Variants in TM7SF3 observed in about 807,000 individuals in gnomAD.
TM7SF3 encodes seven span transmembrane protein.
A neutral mutation model predicts 65.5 loss-of-function variants in TM7SF3; 60 were observed. The observed-to-expected ratio is 0.92, with a 90% CI of 0.74 to 1.14. TM7SF3 has a LOEUF of 1.14. TM7SF3 is among the 50% of genes most tolerant of loss of function. The pLI, the probability that TM7SF3 is intolerant of heterozygous loss-of-function variation, is 0.00. For missense variants in TM7SF3, 623 were observed against 684.8 expected (o/e 0.91, Z 1.01); for synonymous variants, 264 against 259.6 (o/e 1.02, Z -0.16).
chr12:27,003,492 CCTT>C lies in TM7SF3; in HGVS notation c.92-105_92-103del. The C allele has an allele frequency of 3.5e-6, 4 of 1,135,240 alleles. No individual in the cohort carries two copies. The South Asian group carries it at 6.1e-5, about 17-fold the overall frequency. 70.3% of individuals were successfully genotyped at this position (1,135,240 alleles called of 1,614,324 possible). A position where few individuals can be genotyped will look rare whatever the true frequency, so the allele number is the denominator to read the frequency against. ...GTGGAATTTAATCCTCAGAAAAACTCCTTGAGGTAAATATGGTTATTGCTCCTA... is the reference window on the plus strand; with the variant it reads ...GTGGAATTTAATCCTCAGAAAAACTCGAGGTAAATATGGTTATTGCTCCTA... On this transcript the variant is annotated intron_variant, in intron 1 of 11. Transcript: ENST00000343028.
In TM7SF3 at chr12:26,975,661, G is replaced by A. The variant is rs1565864330; in HGVS notation, c.1288-3C>T. ...ACTCCACAAGTCAGTATGTTCAGCT[G>A]TGGAAGAGTGGAAGAGTTTAGGCAT... On this transcript the variant is annotated splice_polypyrimidine_tract_variant and splice_region_variant and intron_variant, in intron 10 of 11. Coordinates refer to ENST00000343028, the MANE Select transcript of TM7SF3 (RefSeq NM_016551.3). 3.1e-6 allele frequency: 5 copies of A among 1,613,124 alleles called. No individual in the cohort carries two copies. The African/African-American group carries it at 5.3e-5, about 17-fold the overall frequency.
At chr12:26,976,148 A>G in intron 10 of TM7SF3, 112 bp downstream of exon 10, 1 of 777,298 alleles carries the variant, frequency 1.3e-6, no homozygotes, top group Non-Finnish European at 2.2e-6. Flanking sequence ...CATCTGATAC[A>G]GGTAACACAG....
In TM7SF3 at chr12:26,973,798, TC is replaced by T; in HGVS notation, c.*166del. On this transcript the variant is annotated 3_prime_UTR_variant, in exon 12 of 12. Coordinates refer to ENST00000343028, the MANE Select transcript of TM7SF3 (RefSeq NM_016551.3). The stretch of plus-strand genomic sequence containing the variant: ...CATCTTTCTCATTCTCTTACAATCA[TC>T]CTAATCCCCTAGTACACCCTTACCA... The T allele has an allele frequency of 1.2e-6, 1 of 840,906 alleles. No homozygotes were observed. Among genetic ancestry groups the T allele is most frequent in the Non-Finnish European group, 1.7e-6 (1 of 574,140 alleles). 52.1% of individuals were successfully genotyped at this position (840,906 alleles called of 1,614,324 possible).
Position 27,003,222 on chromosome 12 carries a change from T to C in TM7SF3, c.246+14A>G, listed in dbSNP as rs763624176. 1.3e-6 allele frequency: 2 copies of C among 1,581,074 alleles called. No homozygotes were observed. The highest frequency in any genetic ancestry group is 2.3e-5 in the South Asian group (2 of 86,462). On this transcript the variant is annotated intron_variant, in intron 2 of 11. Transcript: ENST00000343028. ...ATAGAAATGATTTTTACTAAAATAA[T>C]TCTTTGCACTTACCGGAGAAAAGGA...
At position 26,973,190 on chromosome 12, in the gene TM7SF3, A is replaced by G. The variant is rs200654752; in HGVS notation, c.*775T>C. On this transcript the variant is annotated 3_prime_UTR_variant, in exon 12 of 12. Transcript: ENST00000343028. Reference sequence around the variant, plus strand: ...AAGAAAATAAGTTTTTTTTTTTTTTAATTTCTCGAGACAGGGTCTCTGTCA... The same window carrying G: ...AAGAAAATAAGTTTTTTTTTTTTTTGATTTCTCGAGACAGGGTCTCTGTCA... 1.1e-5 allele frequency: 1 copy of G among 91,328 alleles called. No homozygotes were observed. Among genetic ancestry groups the G allele is most frequent in the South Asian group, 3.5e-4 (1 of 2,836 alleles). 5.7% of individuals were successfully genotyped at this position (91,328 alleles called of 1,614,324 possible).
At chr12:26,981,275 G>T (rs1424938428) in intron 7 of TM7SF3, among the ~76,000 whole-genome samples, 1 of 152,072 alleles carries the variant, frequency 6.6e-6, no homozygotes, top group African/African-American at 2.4e-5. Flanking sequence ...GCTGTTCTTG[G>T]TAATACTTGT....
chr12:27,006,444 C>T (rs1372158665), intron 1 of TM7SF3, among the ~76,000 whole-genome samples: 2 of 151,996 alleles, frequency 1.3e-5, no homozygotes, highest in African/African-American at 4.8e-5. Flanking sequence ...GCCAACTCTA[C>T]ATTTTAAATG....
At position 27,003,137 on chromosome 12, in the gene TM7SF3, C is replaced by T. The variant is rs1027482676; in HGVS notation, c.246+99G>A. 21 of 842,704 alleles carry T rather than the reference C, an allele frequency of 2.5e-5. No individual in the cohort carries two copies. The African/African-American group carries it at 3.4e-4, about 14-fold the overall frequency. The allele number at this position is 842,704 out of a possible 1,614,324, so 52.2% of individuals were successfully genotyped here. On this transcript the variant is annotated intron_variant, in intron 2 of 11. Transcript: ENST00000343028. ...AAAATTTAAGACATAAGATCATAAA[C>T]ATAAAAGAGATAGAGATATCAAATT...
At chr12:26,988,469 TA>T (rs201943677) in intron 6 of TM7SF3, among the ~76,000 whole-genome samples, 39 of 152,232 alleles carry the variant, frequency 2.6e-4, no homozygotes, top group Middle Eastern at 3.4e-3. Context: ...CAGCCAAAAA[TA>T]ATTTTTTTTT....
At chr12:26,996,486 G>T (rs1283753263) in intron 4 of TM7SF3, among the ~76,000 whole-genome samples, 1 of 152,162 alleles carries the variant, frequency 6.6e-6, no homozygotes, top group African/African-American at 2.4e-5. Flanking sequence ...TAAAAACCAG[G>T]ATGTATTTTC....
At chr12:26,998,697 T>C (rs567356592) in intron 3 of TM7SF3, among the ~76,000 whole-genome samples, 43 of 152,336 alleles carry the variant, frequency 2.8e-4, no homozygotes, top group Non-Finnish European at 4.4e-4. Flanking sequence ...ATTTCTCATT[T>C]TGTGCTGAGT....
At chr12:27,000,505 G>A (rs1393272233) in intron 2 of TM7SF3, among the ~76,000 whole-genome samples, 2 of 152,010 alleles carry the variant, frequency 1.3e-5, no homozygotes, top group Non-Finnish European at 2.9e-5. Context: ...TGTCACCCAG[G>A]CTAGAGTGCA....
At chr12:26,974,474 A>T (rs890931573) in intron 11 of TM7SF3, among the ~76,000 whole-genome samples, 2 of 152,174 alleles carry the variant, frequency 1.3e-5, no homozygotes, top group African/African-American at 4.8e-5. Flanking sequence ...TAAAAAAATC[A>T]GTTGTTTGGA....
intron 11 of TM7SF3, among the ~76,000 whole-genome samples, chr12:26,975,259 A>T (rs1297556488): frequency 6.6e-6 from 1 of 152,176 alleles, no homozygotes; most frequent in East Asian, 1.9e-4. Flanking sequence ...TAATCTTGGA[A>T]ATTTCTTAAT....
intron 3 of TM7SF3, among the ~76,000 whole-genome samples, chr12:26,997,846 G>A (rs1393149197): frequency 1.3e-5 from 1 of 77,266 alleles, no homozygotes; most frequent in Non-Finnish European, 2.5e-5. Context: ...TTTTTTTTGA[G>A]ACGGAGTCTT....
At chr12:27,001,679 C>T (rs3782316) in intron 2 of TM7SF3, among the ~76,000 whole-genome samples, 81,398 of 151,942 alleles carry the variant, frequency 0.54, 21,996 homozygotes, top group East Asian at 0.81. Flanking sequence ...GGAAGAAACA[C>T]ACTGTTTGTC....
In TM7SF3 at chr12:26,982,850, GA is replaced by G; in HGVS notation, c.877del (p.Ser293LeufsTer31). On this transcript the variant is annotated frameshift_variant, in exon 7 of 12. Coordinates refer to ENST00000343028, the MANE Select transcript of TM7SF3 (RefSeq NM_016551.3). LOFTEE classifies it high-confidence loss of function. The stretch of plus-strand genomic sequence containing the variant: ...AAAAAGAGTGAAGAACACTTTGGAA[GA>G]CACTCTTCCTAAAAAATAATGAAAA... ...EGSCASLGRVSSKVFFTLFAL... is the reference protein window; with the variant it reads ...EGSCASLGRVXSKVFFTLFAL... 6.3e-7 allele frequency: 1 copy of G among 1,599,012 alleles called. No homozygotes were observed. Among genetic ancestry groups the G allele is most frequent in the East Asian group, 2.2e-5 (1 of 44,644 alleles).
intron 2 of TM7SF3, among the ~76,000 whole-genome samples, chr12:27,001,404 C>A (rs185430258): frequency 6.6e-6 from 1 of 152,192 alleles, no homozygotes; most frequent in Admixed American, 6.5e-5. Context: ...ATAGGCATCA[C>A]TACTAATTTG....
At chr12:26,983,136 G>A (rs1939889408) in intron 6 of TM7SF3, among the ~76,000 whole-genome samples, 1 of 151,260 alleles carries the variant, frequency 6.6e-6, no homozygotes, top group South Asian at 2.1e-4. Context: ...CATATTCCTG[G>A]GTAAAGTGGA....
Sources: allele counts gnomAD v4.1 joint callset (sites outside exome capture counted in the v4.1 genomes callset), GRCh38; gene constraint gnomAD v4.1.1; transcripts MANE v1.5; gene names NCBI Gene and HGNC (gene_info 2026-07-23, HGNC 2026-07-21).